Variants in MTARC2 observed in about 807,000 individuals in gnomAD.
MTARC2 encodes the protein MOCO sulphurase C-terminal domain containing 2.
MTARC2 carries 27 observed loss-of-function variants against 35.6 expected under a neutral mutation model. The ratio of observed to expected loss-of-function variants is 0.76; its 90% confidence interval spans 0.56 to 1.04. MTARC2 has a LOEUF of 1.04. Ranked by LOEUF, MTARC2 falls within the 50% of genes least tolerant of loss-of-function variation. The pLI is 0.00. For missense variants in MTARC2, 412 were observed against 432.5 expected (o/e 0.95, Z 0.42); for synonymous variants, 158 against 167.1 (o/e 0.95, Z 0.42).
At chr1:220,782,061 G>A (rs1672089211) in intron 7 of MTARC2, 129 bp downstream of exon 7, 2 of 850,892 alleles carry the variant, frequency 2.4e-6, no homozygotes, top group Admixed American at 5.7e-5. Context: ...CTGATCTTTG[G>A]AGTTGGAAAA....
At chr1:220,761,234 G>C (rs947544986) in intron 2 of MTARC2, among the ~76,000 whole-genome samples, 1 of 152,218 alleles carries the variant, frequency 6.6e-6, no homozygotes, top group Non-Finnish European at 1.5e-5. Flanking sequence ...CAGAACTAGA[G>C]AATGGCCGAG....
intron 4 of MTARC2, 126 bp downstream of exon 4, chr1:220,763,176 A>G (rs1320733847): frequency 1.5e-6 from 2 of 1,324,820 alleles, no homozygotes; most frequent in African/African-American, 1.5e-5. Flanking sequence ...TGCTGCTGCC[A>G]TCACTCATTG....
intron 4 of MTARC2, among the ~76,000 whole-genome samples, chr1:220,773,853 A>G (rs1312923199): frequency 1.3e-5 from 2 of 152,172 alleles, no homozygotes; most frequent in Non-Finnish European, 2.9e-5. Flanking sequence ...TGAAAAACAA[A>G]TAATGTTTAA....
intron 1 of MTARC2, 70 bp from the exon 2 acceptor site, chr1:220,754,877 A>G (rs1671233339): frequency 2.1e-6 from 3 of 1,410,880 alleles, no homozygotes. Context: ...GAGGAAGTAG[A>G]AAGCTGGAGG....
At position 220,762,956 on chromosome 1, in the gene MTARC2, C is replaced by G; in HGVS notation, c.656C>G (p.Ser219Cys). The G allele has an allele frequency of 1.9e-6, 3 of 1,614,104 alleles. No individual in the cohort carries two copies. The highest frequency in any genetic ancestry group is 2.5e-6 in the Non-Finnish European group (3 of 1,180,006). ...CCGCTCCTGATCATGACAGATGCCT[C>G]CCTGGTAGATTTGAATACCAGGATG... The part of the protein sequence containing the change: ...YCPLLIMTDA[S>C]LVDLNTRMEK... The change falls in exon 4 of 8, where the codon TCC becomes TGC. Residue 219 changes from serine to cysteine, a missense_variant. Physicochemically the swap from Ser to Cys is moderately radical, Grantham distance 112. Transcript: ENST00000366913.
Position 220,780,227 on chromosome 1 carries a change from A to G in MTARC2, c.872A>G (p.Asp291Gly). 1 of 1,612,648 alleles carries G rather than the reference A, an allele frequency of 6.2e-7. No homozygotes were observed. Among genetic ancestry groups the G allele is most frequent in the Non-Finnish European group, 8.5e-7 (1 of 1,179,546 alleles). Residue 291 changes from aspartate (D) to glycine (G), a missense_variant, in exon 6 of 8, where the codon GAC (aspartate) becomes GGC (glycine). Physicochemically the swap from Asp to Gly is moderately conservative, Grantham distance 94 (BLOSUM62 -1). Transcript: ENST00000366913. ...TGVIDRKQPL[D>G]TLKSYRLCDP... ...GTCATAGACAGGAAACAGCCACTGG[A>G]CACCCTGAAGAGGTAGAATACCACC...
At chr1:220,749,868 A>G (rs887353332) in intron 1 of MTARC2, among the ~76,000 whole-genome samples, 9 of 152,168 alleles carry the variant, frequency 5.9e-5, no homozygotes, top group Non-Finnish European at 1.3e-4. Flanking sequence ...GGACACGCGG[A>G]TGCACTGTTT....
chr1:220,758,173 C>T (rs1474372124), intron 2 of MTARC2, among the ~76,000 whole-genome samples: 1 of 151,110 alleles, frequency 6.6e-6, no homozygotes, highest in Non-Finnish European at 1.5e-5. Context: ...TTAGCAGAGA[C>T]GGGATTTCAC....
intron 2 of MTARC2, among the ~76,000 whole-genome samples, chr1:220,759,210 G>A (rs982737897): frequency 6.6e-6 from 1 of 151,994 alleles, no homozygotes; most frequent in Non-Finnish European, 1.5e-5. Flanking sequence ...GATTTTCTTT[G>A]TAAGAGTCTA....
At chr1:220,760,546 G>C (rs879277387) in intron 2 of MTARC2, among the ~76,000 whole-genome samples, 1 of 152,052 alleles carries the variant, frequency 6.6e-6, no homozygotes, top group African/African-American at 2.4e-5. Context: ...GATTCATTCA[G>C]AGTTTTATGG....
Position 220,783,974 on chromosome 1 carries a change from T to C in MTARC2, c.*87T>C. ...TCTTAACAACAGCAGCAACGATACA[T>C]CAGCAAATCCTTATTATCCAGCCTT... On this transcript the variant is annotated 3_prime_UTR_variant, in exon 8 of 8. Transcript: ENST00000366913. 1.4e-6 allele frequency: 1 copy of C among 717,398 alleles called. No homozygotes were observed. The highest frequency in any genetic ancestry group is 2.6e-6 in the Non-Finnish European group (1 of 385,044). The allele number at this position is 717,398 out of a possible 1,614,324, so 44.4% of individuals were successfully genotyped here.
chr1:220,755,259 A>C (rs1344619474), intron 2 of MTARC2, 139 bp downstream of exon 2: 4 of 929,422 alleles, frequency 4.3e-6, no homozygotes, highest in Non-Finnish European at 6.2e-6. Context: ...GTGCAGTTTG[A>C]GTTGGGATTG....
chr1:220,769,194 C>T (rs1671664951), intron 4 of MTARC2, among the ~76,000 whole-genome samples: 1 of 152,222 alleles, frequency 6.6e-6, no homozygotes, highest in Non-Finnish European at 1.5e-5. Flanking sequence ...GATGGCGCAG[C>T]CAAGGACTAC....
intron 4 of MTARC2, 41 bp from the exon 5 acceptor site, chr1:220,779,977 T>G (rs1423494297): frequency 2.1e-6 from 3 of 1,458,830 alleles, no homozygotes; most frequent in Admixed American, 2.5e-5. Context: ...CAAAGGCTAA[T>G]GAAGCCACCA....
At chr1:220,780,277 T>C in intron 6 of MTARC2, 38 bp downstream of exon 6, 1 of 1,570,008 alleles carries the variant, frequency 6.4e-7, no homozygotes, top group Non-Finnish European at 8.7e-7. Context: ...TTAAATATTA[T>C]CTCCACCCCA....
intron 4 of MTARC2, among the ~76,000 whole-genome samples, chr1:220,773,511 A>G (rs1671803212): frequency 6.6e-6 from 1 of 152,156 alleles, no homozygotes; most frequent in Non-Finnish European, 1.5e-5. Flanking sequence ...GATTGTGGGT[A>G]CCCTCAATTT....
chr1:220,783,315 G>T (rs560294819), intron 7 of MTARC2, among the ~76,000 whole-genome samples: 23 of 152,332 alleles, frequency 1.5e-4, no homozygotes, highest in Non-Finnish European at 2.1e-4. Flanking sequence ...AGGGGAAACT[G>T]TGAAGCTCCT....
chr1:220,780,350 G>A (rs951728163), intron 6 of MTARC2, 111 bp downstream of exon 6: 22 of 875,030 alleles, frequency 2.5e-5, no homozygotes, highest in Middle Eastern at 3.5e-4. Context: ...TCTCTCCGGA[G>A]AACCTTCCAG....
intron 4 of MTARC2, among the ~76,000 whole-genome samples, chr1:220,767,629 C>T (rs1334459755): frequency 3.3e-5 from 5 of 152,188 alleles, no homozygotes; most frequent in Non-Finnish European, 7.3e-5. Flanking sequence ...CTGATCTTTG[C>T]TCACTGTCCT....
Sources: allele counts gnomAD v4.1 joint callset (sites outside exome capture counted in the v4.1 genomes callset), GRCh38; gene constraint gnomAD v4.1.1; transcripts MANE v1.5; gene names NCBI Gene and HGNC (gene_info 2026-07-23, HGNC 2026-07-21).